Variants in ARID1B observed in about 807,000 individuals in gnomAD.
ARID1B encodes the protein AT-rich interactive domain-containing protein 1B.
A neutral mutation model predicts 212.3 loss-of-function variants in ARID1B; 30 were observed. The observed-to-expected ratio is 0.14, with a 90% CI of 0.11 to 0.19. The LOEUF is 0.19. Ranked by LOEUF, ARID1B falls within the 10% of genes least tolerant of loss-of-function variation. ARID1B has a pLI of 1.00. For synonymous variants in ARID1B, 1,402 were observed against 1,301.7 expected, an observed-to-expected ratio of 1.08 and a Z score of -1.66; for missense variants, 2,891 against 3,204.0, an observed-to-expected ratio of 0.90 and a Z score of 2.36.
At chr6:156,992,153 A>G (rs948899061) in intron 4 of ARID1B, among the ~76,000 whole-genome samples, 1 of 152,190 alleles carries the variant, frequency 6.6e-6, no homozygotes, top group Non-Finnish European at 1.5e-5. Context: ...TAGTATGTCA[A>G]TGCAGATTGC....
At chr6:156,882,165 C>T (rs555987600) in intron 2 of ARID1B, among the ~76,000 whole-genome samples, 35 of 152,224 alleles carry the variant, frequency 2.3e-4, no homozygotes, top group East Asian at 9.7e-4. Context: ...ATCTTACTCT[C>T]GTTTCTCTTC....
chr6:157,209,468 G>C lies in ARID1B; in HGVS notation c.*1577G>C, dbSNP rs55734286. ...TTACTTAGCTAATTAGTCTTTCTTT[G>C]AAGCAATTAACTCTAACGACATTGA... On this transcript the variant is annotated 3_prime_UTR_variant, in exon 20 of 20. Transcript: ENST00000636930. The C allele has an allele frequency of 1.3e-5, 3 of 232,722 alleles. No individual in the cohort carries two copies. The highest frequency in any genetic ancestry group is 1.8e-4 in the South Asian group (1 of 5,522). 14.4% of individuals were successfully genotyped at this position (232,722 alleles called of 1,614,324 possible). A position where few individuals can be genotyped will look rare whatever the true frequency, so the allele number is the denominator to read the frequency against.
At chr6:156,780,750 G>A (rs1420480055) in intron 1 of ARID1B, among the ~76,000 whole-genome samples, 4 of 152,194 alleles carry the variant, frequency 2.6e-5, no homozygotes, top group Non-Finnish European at 4.4e-5. Context: ...AAAACAGTTC[G>A]CTGGTGTCCA....
chr6:156,929,032 C>T (rs913202937), intron 3 of ARID1B, among the ~76,000 whole-genome samples: 1 of 152,150 alleles, frequency 6.6e-6, no homozygotes, highest in African/African-American at 2.4e-5. Flanking sequence ...GAAGAGATAT[C>T]CATCACTTTC....
In ARID1B at chr6:157,206,358, TGAC is replaced by T. The variant is rs113820273; in HGVS notation, c.5592_5594del (p.Asp1864del). Reference sequence around the variant, plus strand: ...AGGAGGAAGATGCTGAATGTATTGATGACGACGAGGAAGACGAGGAGGATGAGG... The same window carrying T: ...AGGAGGAAGATGCTGAATGTATTGATGACGAGGAAGACGAGGAGGATGAGG... On this transcript the variant is annotated inframe_deletion, in exon 20 of 20. Transcript: ENST00000636930. This position sits in a 1 kb window ranked among gnomAD's most constrained non-coding sequence, Gnocchi z 6.8. The T allele has an allele frequency of 3.0e-3, 4,769 of 1,614,046 alleles. 145 individuals carry two copies. The South Asian group carries it at 0.043, about 15-fold the overall frequency.
Position 157,119,326 on chromosome 6 carries a change from C to G in ARID1B, c.2581+8765C>G, listed in dbSNP as rs570466700. On this transcript the variant is annotated intron_variant, in intron 6 of 19. Coordinates refer to ENST00000636930, the MANE Select transcript of ARID1B (RefSeq NM_001374828.1). Reference sequence around the variant, plus strand: ...CCGGTGAGAGCATGTCATTCCTCACCACCTATGCCTTTAGTCACTTGCCTG... The same window carrying G: ...CCGGTGAGAGCATGTCATTCCTCACGACCTATGCCTTTAGTCACTTGCCTG... Among the ~76,000 whole-genome samples the G allele has an allele frequency of 3.9e-5, 6 of 152,320 alleles. No individual in the cohort carries two copies. In the South Asian group the frequency reaches 1.0e-3, roughly 26 times the overall value.
intron 4 of ARID1B, among the ~76,000 whole-genome samples, chr6:156,971,587 C>T (rs1179808738): frequency 6.6e-6 from 1 of 152,184 alleles, no homozygotes; most frequent in East Asian, 1.9e-4. Flanking sequence ...GCTCAGGAAT[C>T]TGGGCAGGCA....
intron 4 of ARID1B, among the ~76,000 whole-genome samples, chr6:156,952,124 G>C (rs570503312): frequency 1.3e-5 from 2 of 152,290 alleles, no homozygotes; most frequent in South Asian, 4.1e-4. Context: ...ATTGTGAAGA[G>C]AGTGTTTTTT....
At position 156,778,377 on chromosome 6, in the gene ARID1B, C is replaced by T. The variant is rs892651963; in HGVS notation, c.697C>T (p.Pro233Ser). The T allele has an allele frequency of 4.6e-6, 7 of 1,534,430 alleles. No individual in the cohort carries two copies. The highest frequency in any genetic ancestry group is 1.4e-5 in the African/African-American group (1 of 71,930). Residue 233 changes from proline (P) to serine (S), a missense_variant, in exon 1 of 20, where the codon CCC becomes TCC. Pro to Ser is a moderately conservative substitution (Grantham distance 74). Coordinates refer to ENST00000636930, the MANE Select transcript of ARID1B (RefSeq NM_001374828.1). ...LGGAGGGAPQ[P>S]GPDMEQPQHG... is the part of the protein sequence containing the mutation. Reference sequence around the variant, plus strand: ...CGGCGCGGGCGGCGGCGCGCCTCAGCCCGGCCCCGACATGGAGCAGCCGCA... The same window carrying T: ...CGGCGCGGGCGGCGGCGCGCCTCAGTCCGGCCCCGACATGGAGCAGCCGCA...
At chr6:156,865,711 G>A (rs1208279741) in intron 2 of ARID1B, among the ~76,000 whole-genome samples, 2 of 150,508 alleles carry the variant, frequency 1.3e-5, no homozygotes, top group African/African-American at 4.9e-5. Context: ...TTTCCTTTTT[G>A]TTCCATTTTC....
chr6:157,186,181 C>T (rs553248406), intron 13 of ARID1B: 15 of 281,462 alleles, frequency 5.3e-5, no homozygotes, highest in Admixed American at 2.8e-4. Flanking sequence ...AGCTTCAGGA[C>T]GGGGGCCCTG....
At chr6:157,076,870 G>A (rs1431673490) in intron 4 of ARID1B, among the ~76,000 whole-genome samples, 1 of 152,172 alleles carries the variant, frequency 6.6e-6, no homozygotes, top group Non-Finnish European at 1.5e-5. Context: ...CTCTTCCTCA[G>A]TGGTATTAGG....
At chr6:156,963,141 T>C (rs887864881) in intron 4 of ARID1B, among the ~76,000 whole-genome samples, 4 of 152,184 alleles carry the variant, frequency 2.6e-5, no homozygotes, top group African/African-American at 9.7e-5. Context: ...GTTCTGTTTG[T>C]TTTAGAGGGC....
At chr6:156,972,624 A>G (rs1288862406) in intron 4 of ARID1B, among the ~76,000 whole-genome samples, 1 of 152,206 alleles carries the variant, frequency 6.6e-6, no homozygotes, top group Non-Finnish European at 1.5e-5. Flanking sequence ...ATTATTATTG[A>G]TTAAAATAGG....
intron 4 of ARID1B, among the ~76,000 whole-genome samples, chr6:157,017,331 A>G (rs565940569): frequency 8.5e-5 from 13 of 152,340 alleles, no homozygotes; most frequent in Non-Finnish European, 1.5e-4. Flanking sequence ...GAAATAATTC[A>G]TACTCACTGA....
At chr6:157,150,134 A>G (rs1241415458) in intron 8 of ARID1B, 1 of 152,166 alleles carries the variant, frequency 6.6e-6, no homozygotes, top group African/African-American at 2.4e-5. Context: ...GTTTAAATGA[A>G]TTGTCCATTG....
intron 2 of ARID1B, among the ~76,000 whole-genome samples, chr6:156,886,379 T>G (rs1787501372): frequency 6.6e-6 from 1 of 152,192 alleles, no homozygotes; most frequent in African/African-American, 2.4e-5. Context: ...TTTTTAAAAC[T>G]TAAAGAAATG....
chr6:156,873,797 C>T (rs915011201), intron 2 of ARID1B, among the ~76,000 whole-genome samples: 3 of 152,210 alleles, frequency 2.0e-5, no homozygotes, highest in East Asian at 1.9e-4. Flanking sequence ...TAACTTCAGG[C>T]GTCTGATGAG....
intron 4 of ARID1B, among the ~76,000 whole-genome samples, chr6:156,991,898 A>T (rs1288188277): frequency 6.6e-6 from 1 of 152,196 alleles, no homozygotes; most frequent in African/African-American, 2.4e-5. Context: ...ATATTTAAAA[A>T]TTTTTAATCT....
Sources: gnomAD v4.1 joint callset for allele counts (sites outside exome capture counted in the v4.1 genomes callset) on GRCh38, gnomAD v4.1.1 for gene constraint, Gnocchi (gnomAD v3.1) non-coding constraint, MANE v1.5 for transcripts, NCBI Gene and HGNC (gene_info 2026-07-23, HGNC 2026-07-21) for gene names.